Variants in HELZ observed in about 807,000 individuals in gnomAD.
The protein encoded by HELZ is ATP-dependent RNA helicase with zinc finger domain.
HELZ carries 23 observed loss-of-function variants against 218.2 expected under a neutral mutation model. The ratio of observed to expected loss-of-function variants is 0.11; its 90% CI spans 0.08 to 0.15. The LOEUF (loss-of-function observed/expected upper bound fraction) is 0.15, where lower values mean the gene tolerates loss of function less well. Ranked by LOEUF, HELZ falls within the 10% of genes least tolerant of loss-of-function variation. HELZ has a pLI of 1.00. For missense variants in HELZ, 1,813 were observed against 2,353.7 expected (o/e 0.77, Z 4.75); for synonymous variants, 814 against 829.4 (o/e 0.98, Z 0.32).
At position 67,120,569 on chromosome 17, in the gene HELZ, C is replaced by A; in HGVS notation, c.3674G>T (p.Arg1225Leu). 2 of 1,613,078 alleles carry A rather than the reference C, an allele frequency of 1.2e-6. No homozygotes were observed. Among genetic ancestry groups the A allele is most frequent in the Non-Finnish European group, 1.7e-6 (2 of 1,179,912 alleles). ...CATTGCTGCCTGATGTGTAATAATT[C>A]GAGGATCAACTGCAAACCTACCCTG... Reference protein sequence around the residue: ...GYQGRFAVDPRIITHQAAMAY... With the variant: ...GYQGRFAVDPLIITHQAAMAY... The change falls in exon 27 of 33, where the codon CGA becomes CTA. Residue 1225 changes from arginine (R) to leucine (L), a missense_variant. Physicochemically the swap from Arg to Leu is moderately radical, Grantham distance 102 (BLOSUM62 -2). Coordinates refer to ENST00000358691, the MANE Select transcript of HELZ (RefSeq NM_014877.4).
At chr17:67,094,333 A>AAAGAG (rs528061407) in intron 31 of HELZ, among the ~76,000 whole-genome samples, 1,846 of 146,622 alleles carry the variant, frequency 0.013, 24 homozygotes, top group South Asian at 0.016. Context: ...AAAAAAAAAA[A>AAAGAG]AGAGAGAGAG....
intron 19 of HELZ, among the ~76,000 whole-genome samples, chr17:67,149,649 T>G (rs1201296327): frequency 6.6e-6 from 1 of 152,028 alleles, no homozygotes; most frequent in Non-Finnish European, 1.5e-5. Context: ...AACATGAAAA[T>G]TATAACAGTG....
intron 12 of HELZ, among the ~76,000 whole-genome samples, chr17:67,185,274 A>G (rs1388408841): frequency 2.6e-5 from 4 of 152,254 alleles, no homozygotes; most frequent in Admixed American, 1.3e-4. Context: ...GCCCATAAAC[A>G]TATTTTCTGC....
intron 31 of HELZ, among the ~76,000 whole-genome samples, chr17:67,089,694 GAGAGAGACAGAGAGAC>G (rs60975443): frequency 2.1e-4 from 21 of 100,730 alleles, no homozygotes; most frequent in Non-Finnish European, 2.9e-4. Context: ...GAGAGAGAGA[GAGAGAGACAGAGAGAC>G]AGAGAGAGAG....
At chr17:67,170,400 G>C (rs1355167289) in intron 13 of HELZ, among the ~76,000 whole-genome samples, 1 of 151,798 alleles carries the variant, frequency 6.6e-6, no homozygotes, top group Admixed American at 6.6e-5. Flanking sequence ...CTGTAATCCC[G>C]GCTACTTGGG....
intron 17 of HELZ, among the ~76,000 whole-genome samples, chr17:67,157,541 A>AT (rs1262311358): frequency 6.6e-6 from 1 of 152,210 alleles, no homozygotes; most frequent in Non-Finnish European, 1.5e-5. Flanking sequence ...CACAGCCAAC[A>AT]TTTTTTTAAA....
At position 67,188,096 on chromosome 17, in the gene HELZ, G is replaced by C. The variant is rs528294767; in HGVS notation, c.1162+223C>G. 6.4e-6 allele frequency: 3 copies of C among 469,060 alleles called. No homozygotes were observed. Among genetic ancestry groups the C allele is most frequent in the African/African-American group, 3.9e-5 (2 of 51,340 alleles). 29.1% of individuals were successfully genotyped at this position (469,060 alleles called of 1,614,324 possible). The stretch of plus-strand genomic sequence containing the variant: ...CTGATCATCTACTCATACAAGTTTG[G>C]GGAACCTCAAAGTTCAAGCTTTACC... On this transcript the variant is annotated intron_variant, in intron 12 of 32. Transcript: ENST00000358691. The surrounding 1 kb of genome is among the most constrained non-coding windows in gnomAD (Gnocchi z 4.1).
intron 20 of HELZ, 121 bp downstream of exon 20, chr17:67,148,448 G>T: frequency 5.3e-6 from 4 of 749,620 alleles, no homozygotes; most frequent in Non-Finnish European, 8.4e-6. Context: ...TAATTTGCAA[G>T]ACTAGGGACA....
chr17:67,175,980 C>A (rs1225438850), intron 13 of HELZ, among the ~76,000 whole-genome samples: 1 of 152,142 alleles, frequency 6.6e-6, no homozygotes, highest in African/African-American at 2.4e-5. Context: ...CACTATCTTA[C>A]CACTGCCGTA....
At chr17:67,086,485 G>A (rs1177692568) in intron 32 of HELZ, among the ~76,000 whole-genome samples, 2 of 151,220 alleles carry the variant, frequency 1.3e-5, no homozygotes, top group Non-Finnish European at 2.9e-5. Context: ...GGGGGCTGAG[G>A]CAGGAGAATC....
At position 67,216,586 on chromosome 17, in the gene HELZ, ACTC is replaced by A. The variant is rs1251056157; in HGVS notation, c.211-654_211-652del. Among the ~76,000 whole-genome samples, 8 of 150,392 alleles carry A rather than the reference ACTC, an allele frequency of 5.3e-5. No individual in the cohort carries two copies. In the South Asian group the frequency reaches 6.4e-4, roughly 12 times the overall value. On this transcript the variant is annotated intron_variant, in intron 4 of 32. Transcript: ENST00000358691. ...TTCTTTAGTGTCTCTTCATGGCAAAACTCCTCAAGAGTTGTCTATGTTGATGTA... is the reference window on the plus strand; with the variant it reads ...TTCTTTAGTGTCTCTTCATGGCAAAACTCAAGAGTTGTCTATGTTGATGTA...
At chr17:67,240,168 G>A (rs779258289) in intron 2 of HELZ, among the ~76,000 whole-genome samples, 2 of 152,160 alleles carry the variant, frequency 1.3e-5, no homozygotes, top group Non-Finnish European at 2.9e-5. Flanking sequence ...TTAAGCTGAT[G>A]GTAGTTTATC....
chr17:67,125,953 T>C (rs897806181), intron 24 of HELZ, among the ~76,000 whole-genome samples: 7 of 152,058 alleles, frequency 4.6e-5, no homozygotes, highest in African/African-American at 1.7e-4. Flanking sequence ...TGAGAACTGG[T>C]AAAAAGCCTC....
rs1390220674 is a variant in HELZ at position 67,189,582 on chromosome 17, T to C, written c.864+7A>G. 1 of 1,586,392 alleles carries C rather than the reference T, an allele frequency of 6.3e-7. No individual in the cohort carries two copies. Among genetic ancestry groups the C allele is most frequent in the African/African-American group, 1.3e-5 (1 of 74,290 alleles). On this transcript the variant is annotated splice_region_variant and intron_variant, in intron 11 of 32. Coordinates refer to ENST00000358691, the MANE Select transcript of HELZ (RefSeq NM_014877.4). ...CTTTTATGCTTTAACTAGCACAAAATTCATACCTTACAAGTGAGAGCAAAG... is the reference window on the plus strand; with the variant it reads ...CTTTTATGCTTTAACTAGCACAAAACTCATACCTTACAAGTGAGAGCAAAG...
At chr17:67,167,403 ACTACGAG>A in intron 14 of HELZ, 53 bp downstream of exon 14, 5 of 1,233,972 alleles carry the variant, frequency 4.1e-6, no homozygotes, top group Non-Finnish European at 5.8e-6. Flanking sequence ...CCAGAGGAAG[ACTACGAG>A]CTGATAATGA....
intron 9 of HELZ, among the ~76,000 whole-genome samples, chr17:67,193,344 CAAAAAA>C (rs34516607): frequency 1.1e-5 from 1 of 91,904 alleles, no homozygotes. Flanking sequence ...GACTCTGTCT[CAAAAAA>C]AAAAAAAAAA....
In HELZ at chr17:67,107,646, T is replaced by C. The variant is rs567346046; in HGVS notation, c.4764A>G (p.Gln1588=). The stretch of plus-strand genomic sequence containing the variant: ...TTTCAGCTAGTTCCCGTGTTTCACT[T>C]TGATCACGATGAGACAGTTCTCTGA... ...DLIRELSHRD[Q]SETRELAEMP... is the part of the protein sequence containing the mutation. The change falls in exon 31 of 33, where the codon CAA becomes CAG. Residue 1588 remains glutamine, a synonymous_variant. Coordinates refer to ENST00000358691, the MANE Select transcript of HELZ (RefSeq NM_014877.4). 1.2e-6 allele frequency: 2 copies of C among 1,614,058 alleles called. No homozygotes were observed. Among genetic ancestry groups the C allele is most frequent in the South Asian group, 2.2e-5 (2 of 91,074 alleles).
intron 21 of HELZ, among the ~76,000 whole-genome samples, chr17:67,142,662 A>T (rs181272103): frequency 6.6e-6 from 1 of 152,354 alleles, no homozygotes; most frequent in Admixed American, 6.5e-5. Flanking sequence ...TGCAAACAGC[A>T]ACTATAAACA....
At chr17:67,078,647 A>G in intron 32 of HELZ, 61 bp from the exon 33 acceptor site, 3 of 1,209,848 alleles carry the variant, frequency 2.5e-6, no homozygotes, top group Non-Finnish European at 2.2e-6. Flanking sequence ...CATGTGCCTC[A>G]TTCACTCAGT....
Sources: allele counts gnomAD v4.1 joint callset (sites outside exome capture counted in the v4.1 genomes callset), GRCh38; gene constraint gnomAD v4.1.1; non-coding constraint Gnocchi (gnomAD v3.1); transcripts MANE v1.5; gene names NCBI Gene and HGNC (gene_info 2026-07-23, HGNC 2026-07-21).